MSL2: variants seen among roughly 807,000 people sequenced by gnomAD.
The protein encoded by MSL2 is MSL complex subunit 2, also known as E3 ubiquitin-protein ligase MSL2.
MSL2 carries 2 observed loss-of-function variants against 35.8 expected under a neutral mutation model. That is an observed-to-expected ratio of 0.06 (90% CI 0.02 to 0.18). MSL2 has a LOEUF of 0.18. MSL2 is among the 10% of genes least tolerant of loss of function. The pLI is 1.00. For synonymous variants in MSL2, 296 were observed against 255.7 expected (o/e 1.16, Z -1.50); for missense variants, 523 against 706.7 (o/e 0.74, Z 2.95).
chr3:136,150,986 A>G lies in MSL2; in HGVS notation c.*161T>C. 1.3e-6 allele frequency: 1 copy of G among 764,568 alleles called. No individual in the cohort carries two copies. The highest frequency in any genetic ancestry group is 1.8e-5 in the South Asian group (1 of 54,072). The allele number at this position is 764,568 out of a possible 1,614,324, so 47.4% of individuals were successfully genotyped here. On this transcript the variant is annotated 3_prime_UTR_variant, in exon 2 of 2. Transcript: ENST00000309993. ...GTAGGGTTACTCCTCCATTATCTGC[A>G]AACTATTTCCCCGACACTAACACAT...
intron 1 of MSL2, among the ~76,000 whole-genome samples, chr3:136,172,970 A>C (rs145071141): frequency 0.01 from 1,533 of 152,140 alleles, 30 homozygotes; most frequent in African/African-American, 0.033. Context: ...TCAAGACCTG[A>C]CTGTCCAACA....
rs769082028 is a variant in MSL2 at position 136,151,627 on chromosome 3, T to C, written c.1254A>G (p.Lys418=). ...MKKSHEHGSK[K]SHSKTKPGIL... is the part of the protein sequence containing the mutation. ...TACCTGGCTTGGTTTTAGAGTGAGATTTCTTGGATCCATGTTCATGACTCT... is the reference window on the plus strand; with the variant it reads ...TACCTGGCTTGGTTTTAGAGTGAGACTTCTTGGATCCATGTTCATGACTCT... Residue 418 remains lysine, a synonymous_variant, in exon 2 of 2, where the codon AAA becomes AAG. Coordinates refer to ENST00000309993, the MANE Select transcript of MSL2 (RefSeq NM_018133.4). The surrounding 1 kb of genome is among the most constrained non-coding windows in gnomAD (Gnocchi z 5.2). 1 of 1,614,190 alleles carries C rather than the reference T, an allele frequency of 6.2e-7. No homozygotes were observed. Among genetic ancestry groups the C allele is most frequent in the Non-Finnish European group, 8.5e-7 (1 of 1,180,040 alleles).
intron 1 of MSL2, among the ~76,000 whole-genome samples, chr3:136,155,084 T>C (rs1220276055): frequency 6.6e-6 from 1 of 152,016 alleles, no homozygotes; most frequent in Non-Finnish European, 1.5e-5. Context: ...GGCACACGCC[T>C]GTAGTCCCAG....
intron 1 of MSL2, among the ~76,000 whole-genome samples, chr3:136,180,860 T>C (rs1342776228): frequency 1.2e-5 from 1 of 82,676 alleles, no homozygotes; most frequent in Non-Finnish European, 2.3e-5. Flanking sequence ...GAAAAAGGAG[T>C]TGGCCGGGCG....
rs1288402902 is a variant in MSL2, at chr3:136,195,130, C to G, written c.-17G>C. 6 of 1,578,592 alleles carry G rather than the reference C, an allele frequency of 3.8e-6. No homozygotes were observed. Among genetic ancestry groups the G allele is most frequent in the Non-Finnish European group, 4.3e-6 (5 of 1,163,778 alleles). ...GGGGTTCATTGCAGACACTTCGACACCAATGGCTCCCGGTTGAAAAGAAAT... is the reference window on the plus strand; with the variant it reads ...GGGGTTCATTGCAGACACTTCGACAGCAATGGCTCCCGGTTGAAAAGAAAT... On this transcript the variant is annotated 5_prime_UTR_variant, in exon 1 of 2. Coordinates refer to ENST00000309993, the MANE Select transcript of MSL2 (RefSeq NM_018133.4).
rs1301188082 is a variant in MSL2, at chr3:136,152,086, A to G, written c.795T>C (p.Ser265=). 6 of 1,614,038 alleles carry G rather than the reference A, an allele frequency of 3.7e-6. No homozygotes were observed. Among genetic ancestry groups the G allele is most frequent in the African/African-American group, 1.3e-5 (1 of 74,944 alleles). Residue 265 remains serine, a synonymous_variant, in exon 2 of 2, where the codon TCT becomes TCC. Transcript: ENST00000309993. ...GTACTTCCTCAACACTCAGTAACAG[A>G]GAGTCTCCAGGTTTTATATCTTCAC... The part of the protein sequence containing the change: ...SFSEDIKPGD[S]LLLSVEEVLR...
chr3:136,183,720 C>T (rs528598062), intron 1 of MSL2, among the ~76,000 whole-genome samples: 98 of 152,312 alleles, frequency 6.4e-4, no homozygotes, highest in Non-Finnish European at 1.3e-3. Context: ...ACCAACAGAG[C>T]TTCAAAATAC....
rs1940823496 is a variant in MSL2, at chr3:136,195,694, G to A, written c.-581C>T. On this transcript the variant is annotated 5_prime_UTR_variant, in exon 1 of 2. Coordinates refer to ENST00000309993, the MANE Select transcript of MSL2 (RefSeq NM_018133.4). ...GGCGGCGACGAAGGTTGATGTTGCGGCTGGCGGACGCCGCCGCCGCGCTCT... is the reference window on the plus strand; with the variant it reads ...GGCGGCGACGAAGGTTGATGTTGCGACTGGCGGACGCCGCCGCCGCGCTCT... 4 of 985,216 alleles carry A rather than the reference G, an allele frequency of 4.1e-6. No homozygotes were observed. The highest frequency in any genetic ancestry group is 6.2e-5 in the Admixed American group (1 of 16,250). The allele number at this position is 985,216 out of a possible 1,614,324, so 61.0% of individuals were successfully genotyped here. A position where few individuals can be genotyped will look rare whatever the true frequency, so the allele number is the denominator to read the frequency against.
chr3:136,172,367 T>C (rs2038969816), intron 1 of MSL2, among the ~76,000 whole-genome samples: 1 of 151,468 alleles, frequency 6.6e-6, no homozygotes, highest in African/African-American at 2.4e-5. Flanking sequence ...CCTCCCATAC[T>C]CCCCCCACCC....
chr3:136,192,347 T>C (rs538298226), intron 1 of MSL2, among the ~76,000 whole-genome samples: 11 of 151,872 alleles, frequency 7.2e-5, no homozygotes, highest in South Asian at 2.1e-4. Flanking sequence ...CCCAGCTAAT[T>C]TGTGTATTTT....
chr3:136,194,655 G>T, intron 1 of MSL2: 1 of 296,486 alleles, frequency 3.4e-6, no homozygotes, highest in South Asian at 4.0e-5. Flanking sequence ...CCGCGGCAAA[G>T]GTTTAAGAAA....
At chr3:136,169,572 CTGAG>C (rs1024560805) in intron 1 of MSL2, among the ~76,000 whole-genome samples, 8 of 152,058 alleles carry the variant, frequency 5.3e-5, no homozygotes, top group East Asian at 2.0e-4. Flanking sequence ...CCTCAACCTC[CTGAG>C]TAACTGGGAT....
intron 1 of MSL2, among the ~76,000 whole-genome samples, chr3:136,163,833 T>A (rs1939770879): frequency 6.6e-6 from 1 of 152,198 alleles, no homozygotes; most frequent in Non-Finnish European, 1.5e-5. Context: ...CTCCCTTCAC[T>A]GGGCACTTCT....
At chr3:136,175,857 T>C (rs570447490) in intron 1 of MSL2, among the ~76,000 whole-genome samples, 2 of 152,304 alleles carry the variant, frequency 1.3e-5, no homozygotes, top group South Asian at 2.1e-4. Context: ...AAATAATTCC[T>C]GGGACCCAGC....
rs1210656303 is a variant in MSL2, at chr3:136,165,736, CATTA to C, written c.143-13002_143-12999del. Among the ~76,000 whole-genome samples, 7 of 152,184 alleles carry C rather than the reference CATTA, an allele frequency of 4.6e-5. No homozygotes were observed. The South Asian group carries it at 8.3e-4, about 18-fold the overall frequency. ...TATTTCAAAAAGCAAATCCAGACAT[CATTA>C]ATTTTTAAACCAGATTAAGATTTAA... On this transcript the variant is annotated intron_variant, in intron 1 of 1. Transcript: ENST00000309993.
intron 1 of MSL2, among the ~76,000 whole-genome samples, chr3:136,172,482 T>C (rs533928376): frequency 5.6e-4 from 86 of 152,282 alleles, no homozygotes; most frequent in African/African-American, 2.0e-3. Context: ...CAGAAGCTTC[T>C]CACCAGAATG....
rs368746080 is a variant in MSL2, at chr3:136,151,659, T to C, written c.1222A>G (p.Met408Val). 3.1e-6 allele frequency: 5 copies of C among 1,614,212 alleles called. No homozygotes were observed. The highest frequency in any genetic ancestry group is 4.2e-6 in the Non-Finnish European group (5 of 1,180,044). The change falls in exon 2 of 2, where the codon ATG becomes GTG. Residue 408 changes from methionine to valine, a missense_variant. This residue lies in a region of MSL2 where 361 missense variants were observed against 414.6 expected (regional missense o/e 0.87). Transcript: ENST00000309993. This position sits in a 1 kb window ranked among gnomAD's most constrained non-coding sequence, Gnocchi z 5.2. Reference protein sequence around the residue: ...SKTVLLSTKSMKKSHEHGSKK... With the variant: ...SKTVLLSTKSVKKSHEHGSKK... The stretch of plus-strand genomic sequence containing the variant: ...GATCCATGTTCATGACTCTTTTTCA[T>C]GCTTTTAGTAGATAAAAGTACAGTT...
chr3:136,181,088 G>A (rs1044087553), intron 1 of MSL2, among the ~76,000 whole-genome samples: 2 of 151,914 alleles, frequency 1.3e-5, no homozygotes, highest in East Asian at 1.9e-4. Flanking sequence ...AGGAGGTGGA[G>A]GTTGCAGTGA....
At chr3:136,164,090 AAAC>A (rs1401717593) in intron 1 of MSL2, among the ~76,000 whole-genome samples, 1 of 152,246 alleles carries the variant, frequency 6.6e-6, no homozygotes, top group East Asian at 1.9e-4. Flanking sequence ...TTAAAAAAGA[AAAC>A]AAAATCAGTT....
Sources: allele counts gnomAD v4.1 joint callset (sites outside exome capture counted in the v4.1 genomes callset), GRCh38; gene constraint gnomAD v4.1.1; regional missense constraint gnomAD v4.1.1; non-coding constraint Gnocchi (gnomAD v3.1); transcripts MANE v1.5; gene names NCBI Gene and HGNC (gene_info 2026-07-23, HGNC 2026-07-21).